MYO1H: variants seen among roughly 807,000 people sequenced by gnomAD.
The protein encoded by MYO1H is unconventional myosin-Ih.
MYO1H carries 118 observed loss-of-function variants against 149.3 expected under a neutral mutation model. The ratio of observed to expected loss-of-function variants is 0.79; its 90% CI spans 0.68 to 0.92. MYO1H has a LOEUF of 0.92. Among genes scored for constraint, MYO1H ranks in the 40% least tolerant of loss-of-function variants. MYO1H has a pLI of 0.00. For missense variants in MYO1H, 1,212 were observed against 1,280.7 expected (o/e 0.95, Z 0.82); for synonymous variants, 447 against 465.2 (o/e 0.96, Z 0.50).
At chr12:109,360,365 A>G (rs1471121691) in intron 1 of MYO1H, among the ~76,000 whole-genome samples, 3 of 152,108 alleles carry the variant, frequency 2.0e-5, no homozygotes, top group Non-Finnish European at 4.4e-5. Context: ...AGAGATGTGA[A>G]CTTCAGAGTT....
chr12:109,433,520 G>A (rs943925214), intron 20 of MYO1H, among the ~76,000 whole-genome samples: 5 of 152,232 alleles, frequency 3.3e-5, no homozygotes, highest in African/African-American at 4.8e-5. Flanking sequence ...ATCCGAGTCC[G>A]TCTTGTGCGT....
chr12:109,416,470 G>C (rs1052172628), intron 15 of MYO1H, among the ~76,000 whole-genome samples: 3 of 151,032 alleles, frequency 2.0e-5, no homozygotes, highest in African/African-American at 7.3e-5. Context: ...ATTTTGTCAG[G>C]GTTCATCCAT....
intron 1 of MYO1H, among the ~76,000 whole-genome samples, chr12:109,354,667 G>A (rs1478796471): frequency 7.3e-5 from 11 of 151,298 alleles, no homozygotes; most frequent in African/African-American, 9.7e-5. Flanking sequence ...TGCAATTCCC[G>A]GGTTACCACA....
intron 19 of MYO1H, among the ~76,000 whole-genome samples, chr12:109,431,671 T>G (rs968707666): frequency 1.3e-5 from 2 of 152,212 alleles, no homozygotes; most frequent in African/African-American, 4.8e-5. Context: ...TTCTGAATTC[T>G]GCGTTCAGTT....
At chr12:109,319,172 C>T in the MYO1H span, among the ~76,000 whole-genome samples, 1 of 151,892 alleles carries the variant, frequency 6.6e-6, no homozygotes, top group African/African-American at 2.4e-5. Flanking sequence ...TGGAAGCAAC[C>T]CAACAACCCA....
chr12:109,396,639 CAA>C (rs201206533), intron 4 of MYO1H, 57 bp downstream of exon 4: 42,475 of 1,492,076 alleles, frequency 0.028, 819 homozygotes, highest in Admixed American at 0.03. Context: ...CTAAGTGAGA[CAA>C]ATCCTGTCTG....
At chr12:109,341,913 C>T in the MYO1H span, among the ~76,000 whole-genome samples, 1 of 152,086 alleles carries the variant, frequency 6.6e-6, no homozygotes, top group East Asian at 1.9e-4. Context: ...TCTGGGTAGG[C>T]TGCTGCAGGC....
upstream of MYO1H, among the ~76,000 whole-genome samples, chr12:109,347,402 A>G (rs1484819998): frequency 6.6e-6 from 1 of 152,124 alleles, no homozygotes; most frequent in Non-Finnish European, 1.5e-5. Flanking sequence ...AGCATCTGAA[A>G]ATAATAATAA....
At chr12:109,404,840 CTTTT>C (rs1870308429) in intron 7 of MYO1H, among the ~76,000 whole-genome samples, 1 of 137,706 alleles carries the variant, frequency 7.3e-6, no homozygotes, top group South Asian at 2.4e-4. Context: ...GTTTTTACAT[CTTTT>C]TGTCTTTTTT....
chr12:109,377,672 T>G (rs1422829609), intron 1 of MYO1H, among the ~76,000 whole-genome samples: 1 of 152,232 alleles, frequency 6.6e-6, no homozygotes, highest in African/African-American at 2.4e-5. Flanking sequence ...TGTCTTATCA[T>G]TTTCTCCTAT....
intron 1 of MYO1H, among the ~76,000 whole-genome samples, chr12:109,348,812 C>T (rs1189455516): frequency 6.6e-6 from 1 of 152,200 alleles, no homozygotes; most frequent in Admixed American, 6.5e-5. Context: ...CTTGCCTAGA[C>T]AGCCAAAAAG....
chr12:109,396,108 A>T (rs188514231), intron 3 of MYO1H, among the ~76,000 whole-genome samples: 30 of 152,154 alleles, frequency 2.0e-4, no homozygotes, highest in Admixed American at 1.3e-3. Context: ...TTTTTAGTAC[A>T]GAAGGGATTT....
At chr12:109,363,006 T>C (rs1294987601) in intron 1 of MYO1H, among the ~76,000 whole-genome samples, 1 of 152,234 alleles carries the variant, frequency 6.6e-6, no homozygotes, top group Non-Finnish European at 1.5e-5. Flanking sequence ...ACAACTGTTT[T>C]GCTCTTTCCA....
intron 16 of MYO1H, among the ~76,000 whole-genome samples, chr12:109,424,188 T>A (rs1871275834): frequency 6.6e-6 from 1 of 152,144 alleles, no homozygotes; most frequent in South Asian, 2.1e-4. Context: ...TGAGACAGGT[T>A]CTCAGTCTGT....
chr12:109,335,090 A>C, the MYO1H span, among the ~76,000 whole-genome samples: 1 of 152,218 alleles, frequency 6.6e-6, no homozygotes, highest in African/African-American at 2.4e-5. Flanking sequence ...ATGTAGCGAT[A>C]CTTCGCTCCT....
intron 1 of MYO1H, among the ~76,000 whole-genome samples, chr12:109,360,462 C>T (rs774723222): frequency 8.5e-5 from 13 of 152,218 alleles, no homozygotes; most frequent in South Asian, 4.1e-4. Context: ...GTCTCTGTCT[C>T]TCTCTCTCTC....
At chr12:109,317,556 A>G in the MYO1H span, among the ~76,000 whole-genome samples, 6 of 152,168 alleles carry the variant, frequency 3.9e-5, no homozygotes, top group Non-Finnish European at 8.8e-5. Flanking sequence ...CTTTATTCCA[A>G]TGAACTGTTG....
intron 15 of MYO1H, among the ~76,000 whole-genome samples, chr12:109,418,143 G>A (rs1414393461): frequency 6.6e-6 from 1 of 151,512 alleles, no homozygotes; most frequent in Non-Finnish European, 1.5e-5. Flanking sequence ...TCATTATTGA[G>A]TTGTAAGAAT....
At chr12:109,415,124 G>GTC (rs979314551) in intron 14 of MYO1H, among the ~76,000 whole-genome samples, 4 of 152,098 alleles carry the variant, frequency 2.6e-5, no homozygotes, top group Non-Finnish European at 4.4e-5. Flanking sequence ...GATTGAAGAC[G>GTC]TCTCTCTCTC....
Sources: gnomAD v4.1 joint callset for allele counts (sites outside exome capture counted in the v4.1 genomes callset) on GRCh38, gnomAD v4.1.1 for gene constraint, MANE v1.5 for transcripts, NCBI Gene and HGNC (gene_info 2026-07-23, HGNC 2026-07-21) for gene names.